The following ZNF572 variants were observed in gnomAD, a reference collection of about 807,000 sequenced individuals.
The protein encoded by ZNF572 is zinc finger protein 572.
A neutral mutation model predicts 3.8 loss-of-function variants in ZNF572; 2 were observed. That is an observed-to-expected ratio of 0.52 (90% confidence interval 0.21 to 1.65). The LOEUF is 1.65. Ranked by LOEUF, ZNF572 falls within the 40% of genes most tolerant of loss-of-function variation. The probability of loss-of-function intolerance (pLI) is 0.20; values close to 1 mark genes in which losing one functional copy is unlikely to be tolerated. For missense variants in ZNF572, 581 were observed against 633.4 expected (o/e 0.92, Z 0.89); for synonymous variants, 187 against 204.5 (o/e 0.91, Z 0.73).
intron 1 of ZNF572, among the ~76,000 whole-genome samples, chr8:124,973,921 A>ACTCTTG (rs1218360688): frequency 5.3e-5 from 8 of 152,012 alleles, no homozygotes; most frequent in Non-Finnish European, 1.2e-4. Context: ...TGTTGCCCAG[A>ACTCTTG]CTCTTGCTGC....
Position 124,977,756 on chromosome 8 carries a change from G to A in ZNF572, c.1488G>A (p.Glu496=), listed in dbSNP as rs1588105503. The change falls in exon 3 of 3, where the codon GAG becomes GAA. Residue 496 remains glutamate, a synonymous_variant. Transcript: ENST00000319286. ...AAATTCACGTAGAAAAGCCTTTTGA[G>A]TCTCCCGACGTTGGGGATTTTCCTC... ...HRKIHVEKPF[E]SPDVGDFPHE... 1 of 1,614,184 alleles carries A rather than the reference G, an allele frequency of 6.2e-7. No homozygotes were observed. Among genetic ancestry groups the A allele is most frequent in the Non-Finnish European group, 8.5e-7 (1 of 1,180,002 alleles).
chr8:124,976,634 G>A lies in ZNF572; in HGVS notation c.366G>A (p.Gln122=). The A allele has an allele frequency of 6.2e-7, 1 of 1,614,220 alleles. No individual in the cohort carries two copies. Among genetic ancestry groups the A allele is most frequent in the Non-Finnish European group, 8.5e-7 (1 of 1,180,032 alleles). Residue 122 remains glutamine, a synonymous_variant, in exon 3 of 3, where the codon CAG becomes CAA. Transcript: ENST00000319286. ...DSGEHTNACV[Q]QNSSFVDRPY... is the part of the protein sequence containing the mutation. ...GAGAACATACCAATGCCTGTGTCCAGCAGAATTCATCCTTTGTAGACAGAC... is the reference window on the plus strand; with the variant it reads ...GAGAACATACCAATGCCTGTGTCCAACAGAATTCATCCTTTGTAGACAGAC...
intron 2 of ZNF572, 98 bp downstream of exon 2, chr8:124,975,817 G>C: frequency 1.1e-6 from 1 of 916,982 alleles, no homozygotes; most frequent in Non-Finnish European, 1.7e-6. Context: ...TCCTTGTTCT[G>C]TCACTTATAA....
At chr8:124,974,900 C>T (rs568963591) in intron 1 of ZNF572, among the ~76,000 whole-genome samples, 8 of 152,226 alleles carry the variant, frequency 5.3e-5, no homozygotes, top group African/African-American at 1.9e-4. Context: ...ACCGCATTAG[C>T]CAGGATGGAA....
intron 2 of ZNF572, 53 bp from the exon 3 acceptor site, chr8:124,976,295 A>C (rs776279984): frequency 6.9e-7 from 1 of 1,440,734 alleles, no homozygotes; most frequent in Non-Finnish European, 9.3e-7. Flanking sequence ...TTTAGAATTT[A>C]CTTCTCTGGC....
chr8:124,977,062 C>T lies in ZNF572; in HGVS notation c.794C>T (p.Thr265Ile), dbSNP rs146940643. ...HSYVLIEHQR[T>I]HTGEKPYKCP... ...TATGTCCTAATAGAACATCAGAGGA[C>T]TCACACTGGAGAAAAACCTTATAAG... Residue 265 changes from threonine (T) to isoleucine (I), a missense_variant, in exon 3 of 3, where the codon ACT becomes ATT. Transcript: ENST00000319286. 5.6e-5 allele frequency: 90 copies of T among 1,611,952 alleles called. 1 individual carries two copies. In the Middle Eastern group the frequency reaches 6.6e-4, roughly 12 times the overall value.
Position 124,976,377 on chromosome 8 carries a change from G to C in ZNF572, c.109G>C (p.Val37Leu). 6.2e-7 allele frequency: 1 copy of C among 1,601,482 alleles called. No homozygotes were observed. ...TACAAGTATGAATAATTTGGAAACT[G>C]TTCACCACAATAATTCTAAGGCAGA... The part of the protein sequence containing the change: ...GDTSMNNLET[V>L]HHNNSKADKL... Residue 37 changes from valine (V) to leucine (L), a missense_variant, in exon 3 of 3, where the codon GTT becomes CTT. By Grantham distance (32) the Val-to-Leu change is conservative. Transcript: ENST00000319286.
rs1200625405 is a variant in ZNF572 at position 124,976,978 on chromosome 8, C to G, written c.710C>G (p.Ser237Ter). Reference protein sequence around the residue: ...SSSHLIQHHRSHTGEKPYECS... With the variant: ...SSSHLIQHHR ...TCTCACCTTATTCAGCATCACAGAT[C>G]ACATACAGGTGAAAAACCATATGAA... is the stretch of plus-strand genomic sequence containing the variant. Residue 237 changes from serine (S) to a stop codon, truncating the protein, a stop_gained, in exon 3 of 3, where the codon TCA (serine) becomes TGA (stop). Transcript: ENST00000319286. LOFTEE classifies it low-confidence loss of function (END_TRUNC). 1 of 1,614,152 alleles carries G rather than the reference C, an allele frequency of 6.2e-7. No individual in the cohort carries two copies. The highest frequency in any genetic ancestry group is 8.5e-7 in the Non-Finnish European group (1 of 1,180,026).
chr8:124,976,493 G>A lies in ZNF572; in HGVS notation c.225G>A (p.Trp75Ter). 2.5e-6 allele frequency: 4 copies of A among 1,614,074 alleles called. No individual in the cohort carries two copies. The highest frequency in any genetic ancestry group is 2.5e-6 in the Non-Finnish European group (3 of 1,180,008). ...ATGCAAAAGAAATGCCACTGACATG[G>A]GTTCAAGATGAGATTTGGTGTCATG... Reference protein sequence around the residue: ...HEDAKEMPLTWVQDEIWCHDS... With the variant: ...HEDAKEMPLT The change falls in exon 3 of 3, where the codon TGG (tryptophan) becomes TGA (stop). Residue 75 changes from tryptophan to a stop codon, truncating the protein, a stop_gained. Coordinates refer to ENST00000319286, the MANE Select transcript of ZNF572 (RefSeq NM_152412.3). LOFTEE classifies it low-confidence loss of function (END_TRUNC).
chr8:124,974,041 C>T lies in ZNF572; in HGVS notation c.-36+625C>T, dbSNP rs866814544. ...TTTGCATTCAGGTGTATGGTTTTTT[C>T]TCCCCCCCAACTCAAACACTGGGGA... On this transcript the variant is annotated intron_variant, in intron 1 of 2. Transcript: ENST00000319286. Among the ~76,000 whole-genome samples the T allele has an allele frequency of 5.9e-5, 9 of 152,120 alleles. No homozygotes were observed. The South Asian group carries it at 1.9e-3, about 31-fold the overall frequency.
intron 2 of ZNF572, 30 bp downstream of exon 2, chr8:124,975,749 T>G: frequency 6.4e-7 from 1 of 1,573,518 alleles, no homozygotes; most frequent in East Asian, 2.2e-5. Context: ...ATCTGAATCC[T>G]TAGGAAATTT....
rs543991604 is a variant in ZNF572 at position 124,977,378 on chromosome 8, T to C, written c.1110T>C (p.Asn370=). 55 of 1,614,010 alleles carry C rather than the reference T, an allele frequency of 3.4e-5. No homozygotes were observed. In the South Asian group the frequency reaches 5.8e-4, roughly 17 times the overall value. The change falls in exon 3 of 3, where the codon AAT becomes AAC. Residue 370 remains asparagine (N), a synonymous_variant. Coordinates refer to ENST00000319286, the MANE Select transcript of ZNF572 (RefSeq NM_152412.3). ...AGGAAAGTTTGGGTCAGAACTGCAA[T>C]GTGATAGAAGAATGCAGAATCCAGT... ...EYEESLGQNC[N]VIEECRIQLG...
chr8:124,977,736 C>T lies in ZNF572; in HGVS notation c.1468C>T (p.His490Tyr). 6.2e-7 allele frequency: 1 copy of T among 1,614,204 alleles called. No homozygotes were observed. The highest frequency in any genetic ancestry group is 1.1e-5 in the South Asian group (1 of 91,092). ...SAYLSQHRKI[H>Y]VEKPFESPDV... Reference sequence around the variant, plus strand: ...CTACCTCAGTCAGCATCGGAAAATTCACGTAGAAAAGCCTTTTGAGTCTCC... The same window carrying T: ...CTACCTCAGTCAGCATCGGAAAATTTACGTAGAAAAGCCTTTTGAGTCTCC... The change falls in exon 3 of 3, where the codon CAC becomes TAC. Residue 490 changes from histidine to tyrosine, a missense_variant. By Grantham distance (83) the His-to-Tyr change is moderately conservative (BLOSUM62 2). Transcript: ENST00000319286.
At position 124,977,542 on chromosome 8, in the gene ZNF572, C is replaced by G; in HGVS notation, c.1274C>G (p.Ser425Cys). The G allele has an allele frequency of 6.2e-7, 1 of 1,614,194 alleles. No homozygotes were observed. Among genetic ancestry groups the G allele is most frequent in the South Asian group, 1.1e-5 (1 of 91,088 alleles). Residue 425 changes from serine (S) to cysteine (C), a missense_variant, in exon 3 of 3, where the codon TCC (serine) becomes TGC (cysteine). Coordinates refer to ENST00000319286, the MANE Select transcript of ZNF572 (RefSeq NM_152412.3). ...SECWKTFSQS[S>C]TLVIHQRTHT... ...TGCTGGAAAACTTTCAGTCAGAGTT[C>G]CACCCTGGTGATTCACCAAAGGACA...
Position 124,975,627 on chromosome 8 carries a change from C to T in ZNF572, c.-14C>T. On this transcript the variant is annotated 5_prime_UTR_variant, in exon 2 of 3. Transcript: ENST00000319286. Reference sequence around the variant, plus strand: ...ACAGGGTTTCTGATCTCTAACTTGGCTGTGATCATTGTGATGGAGCAAGAA... The same window carrying T: ...ACAGGGTTTCTGATCTCTAACTTGGTTGTGATCATTGTGATGGAGCAAGAA... 3 of 1,607,206 alleles carry T rather than the reference C, an allele frequency of 1.9e-6. No individual in the cohort carries two copies. The highest frequency in any genetic ancestry group is 1.1e-5 in the South Asian group (1 of 90,920).
rs201419110 is a variant in ZNF572 at position 124,976,803 on chromosome 8, C to G, written c.535C>G (p.Leu179Val). Residue 179 changes from leucine (L) to valine (V), a missense_variant, in exon 3 of 3, where the codon CTA (leucine) becomes GTA (valine). By Grantham distance (32) the Leu-to-Val change is conservative. Transcript: ENST00000319286. ...FCNSSHLIQH[L>V]RMHTGEKPYQ... ...TAACAGTTCTCACCTGATTCAGCAT[C>G]TAAGAATGCACACAGGAGAGAAGCC... The G allele has an allele frequency of 3.1e-6, 5 of 1,614,082 alleles. No homozygotes were observed. In the South Asian group the frequency reaches 5.5e-5, roughly 18 times the overall value.
In ZNF572 at chr8:124,975,714, T is replaced by G; in HGVS notation, c.74T>G (p.Phe25Cys). ...GAGAGGGAGAGTTTGAAAAGCCCTT[T>G]CACAGGTGAGGGATCAAGACGATGA... ...FMERESLKSP[F>C]TGDTSMNNLE... is the part of the protein sequence containing the mutation. The change falls in exon 2 of 3, where the codon TTC becomes TGC. Residue 25 changes from phenylalanine to cysteine, a missense_variant. Coordinates refer to ENST00000319286, the MANE Select transcript of ZNF572 (RefSeq NM_152412.3). The G allele has an allele frequency of 6.2e-7, 1 of 1,613,588 alleles. No individual in the cohort carries two copies. Among genetic ancestry groups the G allele is most frequent in the Non-Finnish European group, 8.5e-7 (1 of 1,179,582 alleles).
At position 124,977,871 on chromosome 8, in the gene ZNF572, G is replaced by C; in HGVS notation, c.*13G>C. On this transcript the variant is annotated 3_prime_UTR_variant, in exon 3 of 3. Transcript: ENST00000319286. ...TTCATCTTCCTGAGTCCCAAAGCCT[G>C]GTTGGTGATGGTTTTTTCTTCCTTG... The C allele has an allele frequency of 6.5e-7, 1 of 1,539,420 alleles. No homozygotes were observed.
intron 1 of ZNF572, among the ~76,000 whole-genome samples, chr8:124,974,936 T>C (rs1814488536): frequency 1.3e-5 from 2 of 152,172 alleles, no homozygotes; most frequent in Admixed American, 6.5e-5. Context: ...TAAAATAGGT[T>C]AGTGATTGTT....
Sources: allele counts gnomAD v4.1 joint callset (sites outside exome capture counted in the v4.1 genomes callset), GRCh38; gene constraint gnomAD v4.1.1; transcripts MANE v1.5; gene names NCBI Gene and HGNC (gene_info 2026-07-23, HGNC 2026-07-21).